The following SBF2 variants were observed in gnomAD, a reference collection of about 807,000 sequenced individuals.
SBF2 encodes myotubularin-related protein 13.
SBF2 carries 112 observed loss-of-function variants against 225.2 expected under a neutral mutation model. That is an observed-to-expected ratio of 0.50 (90% CI 0.43 to 0.58). The LOEUF is 0.58. Among genes scored for constraint, SBF2 ranks in the 20% least tolerant of loss-of-function variants. The probability of loss-of-function intolerance (pLI) is 0.00; values close to 1 mark genes in which losing one functional copy is unlikely to be tolerated. For synonymous variants in SBF2, 763 were observed against 773.3 expected (o/e 0.99, Z 0.22); for missense variants, 1,996 against 2,206.2 (o/e 0.90, Z 1.91).
chr11:10,186,500 C>T (rs1956938573), intron 2 of SBF2, among the ~76,000 whole-genome samples: 1 of 152,152 alleles, frequency 6.6e-6, no homozygotes, highest in Non-Finnish European at 1.5e-5. Flanking sequence ...CCACTGCACT[C>T]CAGCCTGGAT....
At chr11:9,899,063 A>AC (rs1206141926) in intron 16 of SBF2, among the ~76,000 whole-genome samples, 7 of 151,912 alleles carry the variant, frequency 4.6e-5, no homozygotes, top group Admixed American at 6.6e-5. Flanking sequence ...ATTAAAAAAA[A>AC]AACAACAACA....
chr11:10,011,131 C>T (rs181767971), intron 6 of SBF2, among the ~76,000 whole-genome samples: 1 of 152,170 alleles, frequency 6.6e-6, no homozygotes, highest in Non-Finnish European at 1.5e-5. Flanking sequence ...TCTATTTACC[C>T]ACAGATTTCC....
chr11:9,916,607 C>T (rs4910079), intron 16 of SBF2, among the ~76,000 whole-genome samples: 123,368 of 145,672 alleles, frequency 0.85, 52,552 homozygotes, highest in African/African-American at 0.87. Flanking sequence ...CCTTTTTTTT[C>T]TTTTTTTTGA....
Position 9,852,688 on chromosome 11 carries a change from C to A in SBF2, c.2598G>T (p.Pro866=). ...AGTCTGGAATTACCTTCTGAATAGG[C>A]GGAAGTCTTCTGCTTTCTCGATGTA... is the stretch of plus-strand genomic sequence containing the variant. The part of the protein sequence containing the change: ...EAVHRESRRL[P]PIQKPKILRP... Residue 866 remains proline, a synonymous_variant, in exon 21 of 40, where the codon CCG becomes CCT. Transcript: ENST00000256190. 6.2e-7 allele frequency: 1 copy of A among 1,612,068 alleles called. No homozygotes were observed. Among genetic ancestry groups the A allele is most frequent in the South Asian group, 1.1e-5 (1 of 91,032 alleles).
intron 2 of SBF2, among the ~76,000 whole-genome samples, chr11:10,135,097 G>A (rs180990180): frequency 9.2e-5 from 14 of 152,336 alleles, no homozygotes; most frequent in Admixed American, 3.3e-4. Context: ...CTTGACTTCT[G>A]TGCACTGGCA....
At chr11:10,292,044 GA>G (rs532738660) in intron 1 of SBF2, among the ~76,000 whole-genome samples, 18 of 152,342 alleles carry the variant, frequency 1.2e-4, no homozygotes, top group African/African-American at 4.1e-4. Flanking sequence ...TGAAAGTCAG[GA>G]GAAGATAAAG....
intron 28 of SBF2, among the ~76,000 whole-genome samples, chr11:9,825,180 T>C (rs1854996343): frequency 6.6e-6 from 1 of 152,220 alleles, no homozygotes; most frequent in African/African-American, 2.4e-5. Context: ...CCTAATTCAA[T>C]ATGACTGGTG....
intron 1 of SBF2, among the ~76,000 whole-genome samples, chr11:10,262,197 C>T (rs960178627): frequency 3.9e-5 from 6 of 151,940 alleles, no homozygotes; most frequent in Non-Finnish European, 8.8e-5. Context: ...CTGTGAAATA[C>T]ATCCAAAAAA....
intron 16 of SBF2, among the ~76,000 whole-genome samples, chr11:9,924,711 C>T (rs1022713357): frequency 4.6e-5 from 7 of 152,092 alleles, no homozygotes; most frequent in Middle Eastern, 3.2e-3. Context: ...GGATTACAGG[C>T]GTGAGCCACC....
At chr11:10,277,342 T>C (rs1281939509) in intron 1 of SBF2, among the ~76,000 whole-genome samples, 2 of 152,194 alleles carry the variant, frequency 1.3e-5, no homozygotes, top group Non-Finnish European at 2.9e-5. Context: ...ATGAAGTATT[T>C]AGAGTGGATG....
chr11:10,037,322 C>T (rs1041373243), intron 3 of SBF2, among the ~76,000 whole-genome samples: 3 of 152,196 alleles, frequency 2.0e-5, no homozygotes, highest in East Asian at 1.9e-4. Flanking sequence ...AATTATGTTA[C>T]GCATGCTAGT....
intron 38 of SBF2, among the ~76,000 whole-genome samples, chr11:9,782,733 T>G (rs537162806): frequency 3.6e-4 from 55 of 152,018 alleles, no homozygotes; most frequent in African/African-American, 1.2e-3. Context: ...TAGCTGGGCA[T>G]GGTGGCAGGC....
chr11:10,158,916 A>G (rs1166812852), intron 2 of SBF2, among the ~76,000 whole-genome samples: 1 of 152,208 alleles, frequency 6.6e-6, no homozygotes, highest in Non-Finnish European at 1.5e-5. Context: ...ATTAAATCAC[A>G]AACAACATTT....
At chr11:9,806,869 C>T (rs1273980408) in intron 32 of SBF2, among the ~76,000 whole-genome samples, 1 of 152,124 alleles carries the variant, frequency 6.6e-6, no homozygotes, top group Non-Finnish European at 1.5e-5. Flanking sequence ...CCACTGAACA[C>T]TTTAAATAGG....
At chr11:9,929,031 T>G (rs186771243) in intron 16 of SBF2, 45 of 460,584 alleles carry the variant, frequency 9.8e-5, no homozygotes, top group African/African-American at 8.0e-4. Flanking sequence ...TACAGTGCAG[T>G]GCTTGTTCAA....
At chr11:9,968,271 A>C in intron 14 of SBF2, 70 bp downstream of exon 14, 3 of 1,374,612 alleles carry the variant, frequency 2.2e-6, no homozygotes, top group Non-Finnish European at 3.1e-6. Flanking sequence ...ATCAAATTGC[A>C]CACTTTTCCT....
intron 17 of SBF2, among the ~76,000 whole-genome samples, chr11:9,881,080 A>T (rs1859727485): frequency 6.6e-6 from 1 of 152,224 alleles, no homozygotes; most frequent in Non-Finnish European, 1.5e-5. Flanking sequence ...ACTCACAGAG[A>T]TACTAGTGCT....
intron 12 of SBF2, among the ~76,000 whole-genome samples, chr11:9,990,862 T>TA (rs1476807426): frequency 2.6e-5 from 4 of 152,064 alleles, no homozygotes; most frequent in African/African-American, 9.7e-5. Context: ...GATGGTGAGA[T>TA]AAGAGCAGAG....
At chr11:10,243,159 T>C (rs1246509307) in intron 1 of SBF2, among the ~76,000 whole-genome samples, 1 of 151,500 alleles carries the variant, frequency 6.6e-6, no homozygotes, top group Non-Finnish European at 1.5e-5. Flanking sequence ...GGAATGAAAC[T>C]AAATCAAAAA....
Sources: allele counts gnomAD v4.1 joint callset (sites outside exome capture counted in the v4.1 genomes callset), GRCh38; gene constraint gnomAD v4.1.1; transcripts MANE v1.5; gene names NCBI Gene and HGNC (gene_info 2026-07-23, HGNC 2026-07-21).